Variants in PDE1A observed in about 807,000 individuals in gnomAD.
PDE1A encodes the protein dual specificity calcium/calmodulin-dependent 3',5'-cyclic nucleotide phosphodiesterase 1A.
In PDE1A, 35 loss-of-function variants were observed where a neutral mutation model predicts 61.7. That is an observed-to-expected ratio of 0.57 (90% CI 0.43 to 0.75). The LOEUF is 0.75. Among genes scored for constraint, PDE1A ranks in the 30% least tolerant of loss-of-function variants. The probability of loss-of-function intolerance (pLI) is 0.00; values close to 1 mark genes in which losing one functional copy is unlikely to be tolerated. For missense variants in PDE1A, 597 were observed against 630.6 expected, an observed-to-expected ratio of 0.95 and a Z score of 0.57; for synonymous variants, 232 against 213.2, an observed-to-expected ratio of 1.09 and a Z score of -0.77.
the PDE1A span, among the ~76,000 whole-genome samples, chr2:182,556,147 C>A: frequency 2.6e-5 from 4 of 151,842 alleles, no homozygotes; most frequent in African/African-American, 9.7e-5. Context: ...TAAGATCTGA[C>A]AAAAGAAAAT....
the PDE1A span, among the ~76,000 whole-genome samples, chr2:182,611,277 C>T: frequency 5.9e-4 from 90 of 152,228 alleles, 1 homozygote; most frequent in South Asian, 0.016. Flanking sequence ...AAGCTGTTTA[C>T]CACTTGAGGA....
intron 2 of PDE1A, among the ~76,000 whole-genome samples, chr2:182,509,759 A>T (rs1371749043): frequency 6.6e-6 from 1 of 152,242 alleles, no homozygotes; most frequent in African/African-American, 2.4e-5. Flanking sequence ...TAAGGTAACC[A>T]GAAATGTAGT....
chr2:182,252,272 C>A (rs1206853961), intron 2 of PDE1A, among the ~76,000 whole-genome samples: 2 of 152,110 alleles, frequency 1.3e-5, no homozygotes, highest in African/African-American at 4.8e-5. Context: ...TTTTTAGTCA[C>A]ATCCTGTTTA....
the PDE1A span, among the ~76,000 whole-genome samples, chr2:182,636,561 G>A: frequency 1.3e-5 from 2 of 152,230 alleles, no homozygotes; most frequent in East Asian, 1.9e-4. Flanking sequence ...CATTTAGCAC[G>A]ATTTTTATTT....
chr2:182,366,362 A>T (rs564914468), intron 1 of PDE1A, among the ~76,000 whole-genome samples: 1 of 151,974 alleles, frequency 6.6e-6, no homozygotes, highest in East Asian at 1.9e-4. Context: ...AACTACCTTT[A>T]TGGGTGAGGT....
chr2:182,696,371 A>G, the PDE1A span, among the ~76,000 whole-genome samples: 5 of 152,234 alleles, frequency 3.3e-5, no homozygotes, highest in Admixed American at 1.3e-4. Flanking sequence ...CGTAAAGATA[A>G]CATACTGTAT....
At chr2:182,508,212 A>C (rs1035543724) in intron 2 of PDE1A, among the ~76,000 whole-genome samples, 2 of 152,116 alleles carry the variant, frequency 1.3e-5, no homozygotes, top group East Asian at 3.8e-4. Context: ...ATTCTCAATA[A>C]ATTACTAACA....
intron 1 of PDE1A, among the ~76,000 whole-genome samples, chr2:182,395,164 C>T (rs944915030): frequency 6.6e-6 from 1 of 152,200 alleles, no homozygotes; most frequent in East Asian, 1.9e-4. Context: ...TTCTCCATTC[C>T]TGTTCATAAA....
chr2:182,639,561 C>G, the PDE1A span, among the ~76,000 whole-genome samples: 1 of 152,074 alleles, frequency 6.6e-6, no homozygotes, highest in Admixed American at 6.6e-5. Context: ...GAGTAAAATT[C>G]TCTTAGGAAA....
chr2:182,507,619 G>T (rs7606875), intron 2 of PDE1A, among the ~76,000 whole-genome samples: 55,204 of 151,916 alleles, frequency 0.36, 10,702 homozygotes, highest in East Asian at 0.6. Context: ...AGAGAGATTA[G>T]TCAAGAGAAT....
At chr2:182,280,951 A>C (rs766669274) in intron 1 of PDE1A, among the ~76,000 whole-genome samples, 4 of 151,974 alleles carry the variant, frequency 2.6e-5, no homozygotes, top group Non-Finnish European at 5.9e-5. Context: ...CAGATAAGTT[A>C]CAGGGCTGGT....
intron 1 of PDE1A, among the ~76,000 whole-genome samples, chr2:182,338,886 T>C (rs1245569407): frequency 2.0e-5 from 3 of 152,162 alleles, no homozygotes; most frequent in African/African-American, 4.8e-5. Context: ...CTGTTTTATT[T>C]TGCCTGACTG....
the PDE1A span, among the ~76,000 whole-genome samples, chr2:182,623,453 G>T: frequency 6.6e-6 from 1 of 152,182 alleles, no homozygotes; most frequent in Non-Finnish European, 1.5e-5. Context: ...ACAGACTAGG[G>T]TCATGGCCTG....
the PDE1A span, among the ~76,000 whole-genome samples, chr2:182,561,430 C>G: frequency 1.3e-5 from 2 of 152,022 alleles, no homozygotes; most frequent in Middle Eastern, 3.2e-3. Context: ...TGTTTTGGTA[C>G]CAGTACCATG....
intron 1 of PDE1A, among the ~76,000 whole-genome samples, chr2:182,328,451 G>C (rs1395145175): frequency 6.6e-6 from 1 of 152,126 alleles, no homozygotes; most frequent in Non-Finnish European, 1.5e-5. Context: ...GGATTATTGA[G>C]TATAAGTTGG....
At chr2:182,477,138 A>G (rs892742846) in intron 2 of PDE1A, among the ~76,000 whole-genome samples, 10 of 151,926 alleles carry the variant, frequency 6.6e-5, no homozygotes, top group Non-Finnish European at 1.5e-4. Flanking sequence ...CTTCAAAAGA[A>G]CATCAATAAG....
chr2:182,156,996 A>ATTATT (rs1258937250), intron 13 of PDE1A, among the ~76,000 whole-genome samples: 9 of 146,810 alleles, frequency 6.1e-5, no homozygotes, highest in South Asian at 2.1e-4. Flanking sequence ...TATTATTATT[A>ATTATT]TTATTTTATT....
downstream of PDE1A, among the ~76,000 whole-genome samples, chr2:182,164,867 C>T (rs1217900070): frequency 6.6e-6 from 1 of 152,122 alleles, no homozygotes; most frequent in African/African-American, 2.4e-5. Context: ...AATGCTATTG[C>T]CAAAACTACC....
intron 2 of PDE1A, among the ~76,000 whole-genome samples, chr2:182,506,204 T>G (rs954648630): frequency 6.6e-6 from 1 of 152,240 alleles, no homozygotes; most frequent in Non-Finnish European, 1.5e-5. Context: ...TTTCTTTCCA[T>G]GTAGAGTTCG....
Sources: gnomAD v4.1 joint callset for allele counts (sites outside exome capture counted in the v4.1 genomes callset) on GRCh38, gnomAD v4.1.1 for gene constraint, MANE v1.5 for transcripts, NCBI Gene and HGNC (gene_info 2026-07-23, HGNC 2026-07-21) for gene names.